Variants in CSMD1 observed in about 807,000 individuals in gnomAD.
CSMD1 encodes CUB and sushi domain-containing protein 1.
A neutral mutation model predicts 417.5 loss-of-function variants in CSMD1; 213 were observed. The ratio of observed to expected loss-of-function variants is 0.51; its 90% CI spans 0.46 to 0.57. The LOEUF (loss-of-function observed/expected upper bound fraction) is 0.57. CSMD1 is among the 20% of genes least tolerant of loss of function. The pLI is 0.00. For synonymous variants in CSMD1, 2,862 were observed against 1,736.8 expected, an observed-to-expected ratio of 1.65 and a Z score of -16.11; for missense variants, 6,923 against 4,529.7, an observed-to-expected ratio of 1.53 and a Z score of -15.17.
intron 3 of CSMD1, among the ~76,000 whole-genome samples, chr8:4,228,837 G>C (rs1489374690): frequency 6.6e-6 from 1 of 151,806 alleles, no homozygotes; most frequent in South Asian, 2.1e-4. Context: ...GTGCACCACT[G>C]TGCCCAGCTA....
At chr8:3,387,302 T>C (rs1045252101) in intron 18 of CSMD1, among the ~76,000 whole-genome samples, 192 bp downstream of exon 18, 1 of 152,198 alleles carries the variant, frequency 6.6e-6, no homozygotes, top group Non-Finnish European at 1.5e-5. Flanking sequence ...TTGTTCTATC[T>C]AGTACATACA....
intron 4 of CSMD1, among the ~76,000 whole-genome samples, chr8:4,010,422 T>C (rs923505795): frequency 6.6e-6 from 1 of 152,154 alleles, no homozygotes; most frequent in Non-Finnish European, 1.5e-5. Context: ...TTCTCGGTCA[T>C]TTCAATGTCA....
chr8:4,662,950 C>G (rs750797997), intron 1 of CSMD1, among the ~76,000 whole-genome samples: 1 of 152,192 alleles, frequency 6.6e-6, no homozygotes, highest in Non-Finnish European at 1.5e-5. Context: ...AGAGGTTACT[C>G]TTAAGGAATG....
rs367750033 is a variant in CSMD1, at chr8:4,742,156, G to A, written c.86-104598C>T. On this transcript the variant is annotated intron_variant, in intron 1 of 69. Transcript: ENST00000635120. ...CGCCATTCTCCTGCCTCAGCCTCCC[G>A]AGTAGCTGGGACTACAGGCGCCCGC... Among the ~76,000 whole-genome samples, 41 of 150,278 alleles carry A rather than the reference G, an allele frequency of 2.7e-4. No individual in the cohort carries two copies. The South Asian group carries it at 7.2e-3, about 26-fold the overall frequency.
intron 2 of CSMD1, among the ~76,000 whole-genome samples, chr8:4,551,232 C>G (rs1191829120): frequency 6.6e-6 from 1 of 151,566 alleles, no homozygotes; most frequent in Non-Finnish European, 1.5e-5. Flanking sequence ...TACTGAAAAT[C>G]CTCGAATGCA....
At chr8:4,893,903 C>T (rs530470114) in intron 1 of CSMD1, among the ~76,000 whole-genome samples, 9 of 151,994 alleles carry the variant, frequency 5.9e-5, no homozygotes, top group East Asian at 5.8e-4. Context: ...ACCAAGGGGG[C>T]GGGGCAATGT....
At chr8:4,634,121 T>C (rs976072367) in intron 2 of CSMD1, among the ~76,000 whole-genome samples, 1 of 152,084 alleles carries the variant, frequency 6.6e-6, no homozygotes, top group Non-Finnish European at 1.5e-5. Flanking sequence ...ATTTCAGCTC[T>C]CAATATCCAC....
chr8:3,457,896 A>G (rs1816258632), intron 12 of CSMD1, among the ~76,000 whole-genome samples: 1 of 152,224 alleles, frequency 6.6e-6, no homozygotes, highest in Non-Finnish European at 1.5e-5. Flanking sequence ...ACACATGAGA[A>G]ATGAGGAAGG....
chr8:3,918,532 T>C (rs1199497472), intron 5 of CSMD1, among the ~76,000 whole-genome samples: 1 of 152,150 alleles, frequency 6.6e-6, no homozygotes, highest in African/African-American at 2.4e-5. Context: ...ATTTTTAATT[T>C]TTAATTTGTT....
intron 26 of CSMD1, among the ~76,000 whole-genome samples, chr8:3,252,945 TTC>T (rs1200524724): frequency 5.3e-5 from 8 of 152,204 alleles, no homozygotes; most frequent in Non-Finnish European, 1.0e-4. Context: ...TATTTGATTA[TTC>T]TCTCTTTTCT....
intron 4 of CSMD1, among the ~76,000 whole-genome samples, chr8:4,024,628 G>T (rs1235165984): frequency 6.6e-6 from 1 of 152,116 alleles, no homozygotes; most frequent in African/African-American, 2.4e-5. Flanking sequence ...TGAGGTACAA[G>T]CAGGATCTTG....
At chr8:3,085,941 A>G (rs1814499740) in intron 49 of CSMD1, among the ~76,000 whole-genome samples, 1 of 152,120 alleles carries the variant, frequency 6.6e-6, no homozygotes, top group Non-Finnish European at 1.5e-5. Flanking sequence ...CTCCACCTCT[A>G]GAGGACAGGA....
intron 1 of CSMD1, among the ~76,000 whole-genome samples, chr8:4,744,008 G>C (rs2117017815): frequency 6.6e-6 from 1 of 152,312 alleles, no homozygotes; most frequent in South Asian, 2.1e-4. Flanking sequence ...TCACGCTCTA[G>C]AGCCTGCATC....
intron 10 of CSMD1, among the ~76,000 whole-genome samples, chr8:3,504,076 T>C (rs1387792655): frequency 2.0e-5 from 3 of 152,016 alleles, no homozygotes; most frequent in Middle Eastern, 3.2e-3. Flanking sequence ...TATTTCAAAA[T>C]AGCAAGAAAA....
chr8:3,427,118 C>T (rs1585148686), intron 12 of CSMD1, among the ~76,000 whole-genome samples: 1 of 152,128 alleles, frequency 6.6e-6, no homozygotes, highest in East Asian at 1.9e-4. Flanking sequence ...TACTTGGCCT[C>T]TCCTTTGACA....
At chr8:4,300,687 T>TAC (rs1207752033) in intron 3 of CSMD1, among the ~76,000 whole-genome samples, 1 of 152,130 alleles carries the variant, frequency 6.6e-6, no homozygotes, top group East Asian at 1.9e-4. Flanking sequence ...CTCCACACTC[T>TAC]CCCAACCCCA....
In CSMD1 at chr8:3,468,582, C is replaced by A. The variant is rs534602710; in HGVS notation, c.1561+130G>T. 1.3e-4 allele frequency: 78 copies of A among 593,700 alleles called. No individual in the cohort carries two copies. The African/African-American group carries it at 1.3e-3, about 10-fold the overall frequency. 36.8% of individuals were successfully genotyped at this position (593,700 alleles called of 1,614,324 possible). A position where few individuals can be genotyped will look rare whatever the true frequency, so the allele number is the denominator to read the frequency against. On this transcript the variant is annotated intron_variant, in intron 12 of 69. Transcript: ENST00000635120. ...AGTGTTAGTAGACTTTAAGGAAGTT[C>A]CCGTCATGATTCCTATTTATCAGCA...
chr8:4,293,612 C>G lies in CSMD1; in HGVS notation c.415+126341G>C, dbSNP rs185130941. Among the ~76,000 whole-genome samples the G allele has an allele frequency of 5.9e-5, 9 of 152,270 alleles. No homozygotes were observed. In the East Asian group the frequency reaches 7.7e-4, roughly 13 times the overall value. On this transcript the variant is annotated intron_variant, in intron 3 of 69. Coordinates refer to ENST00000635120, the MANE Select transcript of CSMD1 (RefSeq NM_033225.6). ...TCATCTCATCATGAACTAAGCAATACTGCAATCGTGTATTTTGACTGTAAG... is the reference window on the plus strand; with the variant it reads ...TCATCTCATCATGAACTAAGCAATAGTGCAATCGTGTATTTTGACTGTAAG...
chr8:4,322,229 A>G (rs1208495348), intron 3 of CSMD1, among the ~76,000 whole-genome samples: 2 of 152,220 alleles, frequency 1.3e-5, no homozygotes, highest in Non-Finnish European at 2.9e-5. Flanking sequence ...ATTCACATGT[A>G]ATTTTATTTG....
Sources: allele counts gnomAD v4.1 joint callset (sites outside exome capture counted in the v4.1 genomes callset), GRCh38; gene constraint gnomAD v4.1.1; transcripts MANE v1.5; gene names NCBI Gene and HGNC (gene_info 2026-07-23, HGNC 2026-07-21).